The following ZCWPW2 variants were observed in gnomAD, a reference collection of about 807,000 sequenced individuals.
ZCWPW2 encodes the protein zinc finger CW-type PWWP domain protein 2.
Under a neutral mutation model 46.6 loss-of-function variants are expected in ZCWPW2, and 45 were observed. The observed-to-expected ratio is 0.96, with a 90% CI of 0.76 to 1.24. ZCWPW2 has a LOEUF of 1.24. ZCWPW2 is among the 50% of genes most tolerant of loss of function. The probability of loss-of-function intolerance (pLI) is 0.00; values close to 1 mark genes in which losing one functional copy is unlikely to be tolerated. For synonymous variants in ZCWPW2, 152 were observed against 137.1 expected (o/e 1.11, Z -0.76); for missense variants, 429 against 403.9 (o/e 1.06, Z -0.53).
intron 5 of ZCWPW2, among the ~76,000 whole-genome samples, chr3:28,490,859 G>A (rs1051196947): frequency 2.6e-5 from 4 of 151,922 alleles, no homozygotes; most frequent in Admixed American, 6.6e-5. Flanking sequence ...TATAGTAGCC[G>A]ATACCAAGTA....
At chr3:28,513,994 G>A in intron 6 of ZCWPW2, 70 bp from the exon 7 acceptor site, 1 of 1,285,574 alleles carries the variant, frequency 7.8e-7, no homozygotes, top group Non-Finnish European at 1.0e-6. Flanking sequence ...GAACTGCATG[G>A]GACCCATTAT....
At position 28,390,546 on chromosome 3, in the gene ZCWPW2, T is replaced by A. The variant is rs1274554040; in HGVS notation, c.-85T>A. 5.1e-6 allele frequency: 5 copies of A among 985,270 alleles called. No homozygotes were observed. Among genetic ancestry groups the A allele is most frequent in the Non-Finnish European group, 4.8e-6 (4 of 829,928 alleles). The allele number at this position is 985,270 out of a possible 1,614,324, so 61.0% of individuals were successfully genotyped here. On this transcript the variant is annotated 5_prime_UTR_variant, in exon 2 of 10. Transcript: ENST00000383768. ...CTCTTTAGTGACTACAGACCTCACT[T>A]CCCTTCTCTGGAGTTTTGGAGTCTA... is the stretch of plus-strand genomic sequence containing the variant.
At chr3:28,411,387 CT>C (rs1696390979) in intron 2 of ZCWPW2, among the ~76,000 whole-genome samples, 1 of 151,726 alleles carries the variant, frequency 6.6e-6, no homozygotes, top group African/African-American at 2.4e-5. Context: ...AGGAAAACAA[CT>C]TTCTGTAGCC....
At chr3:28,430,309 GC>G (rs1331449384) in intron 3 of ZCWPW2, among the ~76,000 whole-genome samples, 1 of 152,236 alleles carries the variant, frequency 6.6e-6, no homozygotes, top group Non-Finnish European at 1.5e-5. Context: ...TGATTTGGCT[GC>G]CCCACTGGAT....
At chr3:28,444,886 A>T (rs557329464) in intron 4 of ZCWPW2, among the ~76,000 whole-genome samples, 1 of 152,278 alleles carries the variant, frequency 6.6e-6, no homozygotes, top group South Asian at 2.1e-4. Context: ...TTCTTGCCTC[A>T]CATGGGCAGT....
intron 1 of ZCWPW2, among the ~76,000 whole-genome samples, chr3:28,377,611 A>T (rs1705545416): frequency 6.6e-6 from 1 of 152,080 alleles, no homozygotes; most frequent in African/African-American, 2.4e-5. Context: ...CTTAAATCCA[A>T]AGGTCAATTG....
In ZCWPW2 at chr3:28,434,464, A is replaced by G. The variant is rs918853894; in HGVS notation, c.333-646A>G. 5.9e-5 allele frequency among the ~76,000 whole-genome samples: 9 copies of G among 152,176 alleles called. No individual in the cohort carries two copies. In the South Asian group the frequency reaches 1.9e-3, roughly 31 times the overall value. ...GTAGAGGTTTATGTCATGAAATAAC[A>G]TATCTCTAAATGTTTGTTTTTAATA... On this transcript the variant is annotated intron_variant, in intron 3 of 9. Coordinates refer to ENST00000383768, the MANE Select transcript of ZCWPW2 (RefSeq NM_001040432.4).
intron 1 of ZCWPW2, among the ~76,000 whole-genome samples, chr3:28,367,515 T>A (rs1233132304): frequency 2.0e-5 from 3 of 152,208 alleles, no homozygotes; most frequent in Non-Finnish European, 4.4e-5. Flanking sequence ...AGAGACAGTT[T>A]GTTATAATTT....
In ZCWPW2 at chr3:28,371,030, T is replaced by C. The variant is rs1287070582; in HGVS notation, c.-133-19468T>C. 2.0e-5 allele frequency among the ~76,000 whole-genome samples: 3 copies of C among 151,452 alleles called. No individual in the cohort carries two copies. In the East Asian group the frequency reaches 5.8e-4, roughly 29 times the overall value. ...TACAGGTGTGAACCACCATGCCCAA[T>C]AAATTTTTTTTTTAACTATAATTAG... On this transcript the variant is annotated intron_variant, in intron 1 of 9. Transcript: ENST00000383768.
intron 1 of ZCWPW2, among the ~76,000 whole-genome samples, chr3:28,365,755 A>C (rs544929234): frequency 7.1e-6 from 1 of 140,654 alleles, no homozygotes; most frequent in Non-Finnish European, 1.6e-5. Context: ...CCATTTTCAC[A>C]ATATTGATTC....
intron 4 of ZCWPW2, among the ~76,000 whole-genome samples, chr3:28,455,282 A>G (rs554542787): frequency 1.2e-4 from 18 of 152,212 alleles, no homozygotes; most frequent in African/African-American, 1.7e-4. Flanking sequence ...ATGTATGTCT[A>G]CTTTTGAAAA....
chr3:28,505,988 A>G (rs1700264471), intron 6 of ZCWPW2, among the ~76,000 whole-genome samples: 1 of 151,044 alleles, frequency 6.6e-6, no homozygotes, highest in Admixed American at 6.6e-5. Context: ...AATCTAATGT[A>G]AACACAGTTC....
intron 3 of ZCWPW2, among the ~76,000 whole-genome samples, chr3:28,417,034 A>C (rs572346102): frequency 6.7e-6 from 1 of 149,984 alleles, no homozygotes; most frequent in Admixed American, 6.6e-5. Context: ...GCCTCATAAA[A>C]TGAGTTAGGC....
At chr3:28,387,424 G>T (rs1272399274) in intron 1 of ZCWPW2, among the ~76,000 whole-genome samples, 1 of 152,118 alleles carries the variant, frequency 6.6e-6, no homozygotes, top group Non-Finnish European at 1.5e-5. Context: ...GAGATGCGAA[G>T]GCTCTGGCAA....
At chr3:28,438,842 A>G (rs936748391) in intron 4 of ZCWPW2, among the ~76,000 whole-genome samples, 1 of 152,088 alleles carries the variant, frequency 6.6e-6, no homozygotes, top group African/African-American at 2.4e-5. Context: ...TAGAAAACCT[A>G]TAAGAAAACC....
intron 4 of ZCWPW2, among the ~76,000 whole-genome samples, chr3:28,442,670 G>A (rs1697814263): frequency 6.6e-6 from 1 of 152,248 alleles, no homozygotes; most frequent in Non-Finnish European, 1.5e-5. Context: ...CCAGGTATCA[G>A]GAGATGTGTT....
intron 1 of ZCWPW2, among the ~76,000 whole-genome samples, chr3:28,357,618 T>C (rs1380391141): frequency 6.6e-6 from 1 of 151,882 alleles, no homozygotes; most frequent in African/African-American, 2.4e-5. Flanking sequence ...ACGTAAGTTT[T>C]CTGCCTGTGG....
At chr3:28,420,054 C>CCCTAA (rs1314698773) in intron 3 of ZCWPW2, among the ~76,000 whole-genome samples, 23 of 149,320 alleles carry the variant, frequency 1.5e-4, no homozygotes, top group Non-Finnish European at 2.1e-4. Context: ...TGCACATGTA[C>CCCTAA]CCTAATACCG....
At chr3:28,454,644 C>T (rs1482774987) in intron 4 of ZCWPW2, among the ~76,000 whole-genome samples, 1 of 152,146 alleles carries the variant, frequency 6.6e-6, no homozygotes, top group Non-Finnish European at 1.5e-5. Context: ...TTCCTATTCC[C>T]CACCCTCTGA....
Sources: gnomAD v4.1 joint callset for allele counts (sites outside exome capture counted in the v4.1 genomes callset) on GRCh38, gnomAD v4.1.1 for gene constraint, MANE v1.5 for transcripts, NCBI Gene and HGNC (gene_info 2026-07-23, HGNC 2026-07-21) for gene names.